The following MAPK10 variants were observed in gnomAD, a reference collection of about 807,000 sequenced individuals.
The protein encoded by MAPK10 is mitogen-activated protein kinase 10.
MAPK10 carries 25 observed loss-of-function variants against 59.3 expected under a neutral mutation model. That is an observed-to-expected ratio of 0.42 (90% CI 0.31 to 0.59). MAPK10 has a LOEUF of 0.59. Among genes scored for constraint, MAPK10 ranks in the 20% least tolerant of loss-of-function variants. The pLI is 0.15. For missense variants in MAPK10, 351 were observed against 568.9 expected (o/e 0.62, Z 3.90); for synonymous variants, 190 against 200.5 (o/e 0.95, Z 0.44).
chr4:86,046,531 G>A (rs1394267523), intron 11 of MAPK10, among the ~76,000 whole-genome samples: 2 of 152,084 alleles, frequency 1.3e-5, no homozygotes, highest in African/African-American at 2.4e-5. Context: ...AGAAATGGAA[G>A]CACAGTATAT....
intron 1 of MAPK10, among the ~76,000 whole-genome samples, chr4:86,481,445 AC>A (rs1753610003): frequency 6.7e-6 from 1 of 149,096 alleles, no homozygotes; most frequent in Non-Finnish European, 1.5e-5. Flanking sequence ...AAAAAAAAAA[AC>A]CATTGCCACT....
intron 1 of MAPK10, among the ~76,000 whole-genome samples, chr4:86,422,978 T>C (rs1746735037): frequency 6.6e-6 from 1 of 152,220 alleles, no homozygotes. Context: ...AGGTAAAGTT[T>C]ATTTTCTCAT....
intron 1 of MAPK10, among the ~76,000 whole-genome samples, chr4:86,398,621 TTTAG>T (rs1177492587): frequency 1.2e-4 from 18 of 152,152 alleles, no homozygotes; most frequent in Non-Finnish European, 4.4e-5. Flanking sequence ...AGACTTTTAT[TTTAG>T]ATTCAGGTGG....
chr4:86,265,871 T>C (rs867287476), intron 2 of MAPK10, among the ~76,000 whole-genome samples: 22 of 152,246 alleles, frequency 1.4e-4, no homozygotes, highest in African/African-American at 5.3e-4. Flanking sequence ...CATTGTTGAG[T>C]TGGGGTTCAT....
At chr4:86,392,578 C>G (rs533336270) in intron 1 of MAPK10, 61 of 152,102 alleles carry the variant, frequency 4.0e-4, no homozygotes, top group African/African-American at 1.4e-3. Flanking sequence ...TGTATCTTTT[C>G]TAACCTGCCT....
chr4:86,364,533 C>T (rs184397772), upstream of MAPK10, among the ~76,000 whole-genome samples: 83 of 152,120 alleles, frequency 5.5e-4, no homozygotes, highest in African/African-American at 1.9e-3. Flanking sequence ...GTGGATCTTA[C>T]ATACTCATTT....
intron 2 of MAPK10, among the ~76,000 whole-genome samples, chr4:86,330,168 G>A (rs1430118114): frequency 6.6e-6 from 1 of 152,132 alleles, no homozygotes; most frequent in Non-Finnish European, 1.5e-5. Context: ...TCTTTCCATT[G>A]GAACTAATTT....
At position 86,480,325 on chromosome 4, in the gene MAPK10, C is replaced by A. The variant is rs185142307; in HGVS notation, c.-263+113585G>T. On this transcript the variant is annotated intron_variant, in intron 1 of 4. Coordinates refer to the MAPK10 transcript ENST00000502302. The stretch of plus-strand genomic sequence containing the variant: ...CCCACTGAGCACCCTGTGACCCCCC[C>A]ACTCCTGCCCGCCAGAGAACAACTG... Among the ~76,000 whole-genome samples, 58 of 151,738 alleles carry A rather than the reference C, an allele frequency of 3.8e-4. No homozygotes were observed. In the East Asian group the frequency reaches 6.2e-3, roughly 16 times the overall value.
chr4:86,390,121 A>G (rs1424907386), intron 1 of MAPK10, among the ~76,000 whole-genome samples: 1 of 152,196 alleles, frequency 6.6e-6, no homozygotes, highest in South Asian at 2.1e-4. Context: ...GTATTTAAAT[A>G]CTGAAATGCA....
chr4:86,210,745 G>A (rs1441719228), intron 2 of MAPK10, among the ~76,000 whole-genome samples: 8 of 151,108 alleles, frequency 5.3e-5, no homozygotes, highest in East Asian at 1.9e-4. Context: ...GACAGAAAAC[G>A]ATCCCTGAGA....
intron 1 of MAPK10, among the ~76,000 whole-genome samples, chr4:86,376,768 TGAA>T (rs142038456): frequency 0.01 from 1,546 of 152,362 alleles, 30 homozygotes; most frequent in African/African-American, 0.035. Flanking sequence ...ATAAATATTT[TGAA>T]GAAGAACACA....
At chr4:86,271,146 A>T (rs1051676975) in intron 2 of MAPK10, among the ~76,000 whole-genome samples, 31 of 152,034 alleles carry the variant, frequency 2.0e-4, no homozygotes, top group Non-Finnish European at 3.8e-4. Flanking sequence ...GCAGTATTTG[A>T]GAGCTCCAGT....
chr4:86,075,352 G>C (rs774167609), intron 9 of MAPK10, among the ~76,000 whole-genome samples: 10,237 of 151,898 alleles, frequency 0.067, 435 homozygotes, highest in African/African-American at 0.12. Context: ...TCCTCCCGTA[G>C]CTCAGAGTAA....
intron 2 of MAPK10, among the ~76,000 whole-genome samples, chr4:86,201,306 C>A (rs1017984928): frequency 2.6e-5 from 4 of 151,830 alleles, no homozygotes; most frequent in Non-Finnish European, 4.4e-5. Context: ...CTGCCAGAAC[C>A]ATTTTCAATC....
At chr4:86,083,861 T>C (rs1002729139) in intron 9 of MAPK10, among the ~76,000 whole-genome samples, 1 of 152,084 alleles carries the variant, frequency 6.6e-6, no homozygotes, top group African/African-American at 2.4e-5. Context: ...GGATATCAGC[T>C]CAACCACAGT....
intron 1 of MAPK10, among the ~76,000 whole-genome samples, chr4:86,517,570 C>T (rs1032487169): frequency 4.6e-5 from 7 of 152,006 alleles, no homozygotes; most frequent in African/African-American, 9.7e-5. Context: ...CTACCGCACC[C>T]GGCCTATTAT....
At chr4:86,269,493 G>A (rs972350058) in intron 2 of MAPK10, among the ~76,000 whole-genome samples, 4 of 152,046 alleles carry the variant, frequency 2.6e-5, no homozygotes, top group Non-Finnish European at 5.9e-5. Flanking sequence ...AATTCAGAAA[G>A]TGCTTGAGTG....
chr4:86,520,501 G>A (rs1176957297), intron 1 of MAPK10, among the ~76,000 whole-genome samples: 1 of 151,944 alleles, frequency 6.6e-6, no homozygotes, highest in Non-Finnish European at 1.5e-5. Context: ...TTCACTGGAG[G>A]CTTTTTCATC....
chr4:86,072,242 T>G (rs2048186963), intron 9 of MAPK10, among the ~76,000 whole-genome samples: 1 of 151,016 alleles, frequency 6.6e-6, no homozygotes, highest in South Asian at 2.1e-4. Flanking sequence ...ACATTGATTT[T>G]GTATCCTGAG....
Sources: gnomAD v4.1 joint callset for allele counts (sites outside exome capture counted in the v4.1 genomes callset) on GRCh38, gnomAD v4.1.1 for gene constraint, MANE v1.5 for transcripts, NCBI Gene and HGNC (gene_info 2026-07-23, HGNC 2026-07-21) for gene names.